The following FAM13B variants were observed in gnomAD, a reference collection of about 807,000 sequenced individuals.
The protein encoded by FAM13B is family with sequence similarity 13 member B, also known as protein FAM13B.
Under a neutral mutation model 117.3 loss-of-function variants are expected in FAM13B, and 60 were observed. The observed-to-expected ratio is 0.51, with a 90% CI of 0.42 to 0.63. The LOEUF is 0.63. Ranked by LOEUF, FAM13B falls within the 30% of genes least tolerant of loss-of-function variation. The pLI is 0.00. For missense variants in FAM13B, 972 were observed against 1,091.9 expected (o/e 0.89, Z 1.55); for synonymous variants, 332 against 356.1 (o/e 0.93, Z 0.76).
intron 1 of FAM13B, among the ~76,000 whole-genome samples, chr5:138,024,008 G>C (rs888217568): frequency 2.0e-5 from 3 of 152,166 alleles, no homozygotes; most frequent in African/African-American, 7.2e-5. Context: ...TCTCAGACTG[G>C]AGAGTGGCCC....
chr5:137,993,881 C>A (rs1409098026), intron 7 of FAM13B, among the ~76,000 whole-genome samples: 1 of 152,050 alleles, frequency 6.6e-6, no homozygotes, highest in Non-Finnish European at 1.5e-5. Flanking sequence ...TAAAGTAGGG[C>A]CCAAGAGTCT....
chr5:138,051,041 G>A (rs1561563469), intron 1 of FAM13B, among the ~76,000 whole-genome samples: 1 of 151,882 alleles, frequency 6.6e-6, no homozygotes, highest in Non-Finnish European at 1.5e-5. Flanking sequence ...AGAATGAAAA[G>A]CAAAACTCTC....
intron 20 of FAM13B, among the ~76,000 whole-genome samples, chr5:137,943,450 T>A (rs1015409937): frequency 6.6e-6 from 1 of 152,126 alleles, no homozygotes; most frequent in African/African-American, 2.4e-5. Context: ...ACAGATATTT[T>A]AAAAATTCTA....
upstream of FAM13B, chr5:138,036,806 ACTG>A: frequency 2.9e-6 from 1 of 347,682 alleles, no homozygotes; most frequent in East Asian, 7.6e-5. Flanking sequence ...GTGGTTCTCA[ACTG>A]CGACAATTTT....
chr5:137,982,523 AAACAAC>A (rs59537285), intron 10 of FAM13B, among the ~76,000 whole-genome samples: 8 of 138,326 alleles, frequency 5.8e-5, no homozygotes, highest in East Asian at 4.3e-4. Flanking sequence ...TCCATCTCAA[AAACAAC>A]AACAACAACA....
chr5:138,033,326 C>T (rs1790697128), upstream of FAM13B, among the ~76,000 whole-genome samples: 1 of 152,190 alleles, frequency 6.6e-6, no homozygotes, highest in African/African-American at 2.4e-5. Context: ...ACAGAGAGGA[C>T]ACTGGGGAGA....
intron 7 of FAM13B, among the ~76,000 whole-genome samples, chr5:137,998,215 C>T (rs757994838): frequency 6.6e-6 from 1 of 152,194 alleles, no homozygotes; most frequent in Non-Finnish European, 1.5e-5. Context: ...AAGTTTTCAA[C>T]AATGATGATG....
rs566653282 is a variant in FAM13B, at chr5:138,025,564, T to C, written c.-202-4367A>G. ...ATACACCAGCTATCAACCTAAGTTC[T>C]ACAGGGACTCAAGGTACTTTTGCAT... On this transcript the variant is annotated intron_variant, in intron 1 of 23. Coordinates refer to ENST00000689681, the MANE Select transcript of FAM13B (RefSeq NM_001385994.1). Among the ~76,000 whole-genome samples, 74 of 152,246 alleles carry C rather than the reference T, an allele frequency of 4.9e-4. 1 individual carries two copies. The South Asian group carries it at 5.6e-3, about 12-fold the overall frequency.
intron 1 of FAM13B, among the ~76,000 whole-genome samples, chr5:138,041,955 G>C (rs1791514106): frequency 6.6e-6 from 1 of 152,044 alleles, no homozygotes; most frequent in Admixed American, 6.6e-5. Flanking sequence ...CAGCTAGTCA[G>C]GAGGCTGAGG....
intron 1 of FAM13B, among the ~76,000 whole-genome samples, chr5:138,024,683 G>A (rs76271710): frequency 6.6e-6 from 1 of 151,598 alleles, no homozygotes; most frequent in African/African-American, 2.4e-5. Context: ...ATAAAATGTC[G>A]AGAAAGCAGT....
At chr5:138,047,134 A>G (rs945759880) in intron 1 of FAM13B, among the ~76,000 whole-genome samples, 2 of 152,098 alleles carry the variant, frequency 1.3e-5, no homozygotes, top group African/African-American at 4.8e-5. Context: ...AATCATTTTT[A>G]GTTGGGGGGC....
intron 6 of FAM13B, among the ~76,000 whole-genome samples, chr5:138,008,482 C>T (rs1383523118): frequency 1.3e-5 from 2 of 152,104 alleles, no homozygotes; most frequent in Non-Finnish European, 2.9e-5. Flanking sequence ...AAAGCTAGGC[C>T]TCAGAGGCAG....
intron 20 of FAM13B, 108 bp downstream of exon 20, chr5:137,945,794 A>G: frequency 1.4e-6 from 1 of 706,676 alleles, no homozygotes; most frequent in Non-Finnish European, 2.3e-6. Context: ...AGTGACAATT[A>G]TTTCTGTCTT....
intron 10 of FAM13B, among the ~76,000 whole-genome samples, chr5:137,981,868 G>C (rs1775862365): frequency 6.6e-6 from 1 of 152,168 alleles, no homozygotes; most frequent in Non-Finnish European, 1.5e-5. Flanking sequence ...TGGGTAAGTG[G>C]GAGGGCCTGC....
chr5:137,991,836 T>C (rs1372614715), intron 7 of FAM13B, among the ~76,000 whole-genome samples: 1 of 152,188 alleles, frequency 6.6e-6, no homozygotes, highest in African/African-American at 2.4e-5. Flanking sequence ...GAAGATAATG[T>C]GGAAATGTTT....
chr5:137,985,217 C>A, intron 10 of FAM13B, 40 bp downstream of exon 10: 1 of 1,594,836 alleles, frequency 6.3e-7, no homozygotes, highest in Non-Finnish European at 8.6e-7. Context: ...ATGAAGCAAT[C>A]AAAGTTGTAC....
At chr5:137,989,765 G>C (rs895104502) in intron 7 of FAM13B, among the ~76,000 whole-genome samples, 10 of 152,168 alleles carry the variant, frequency 6.6e-5, no homozygotes, top group African/African-American at 2.4e-4. Context: ...GGAGGTTGCA[G>C]TGAGCTGTGG....
upstream of FAM13B, among the ~76,000 whole-genome samples, chr5:138,037,653 A>G (rs547113566): frequency 1.3e-5 from 2 of 152,104 alleles, no homozygotes; most frequent in African/African-American, 4.8e-5. Context: ...TTGCACCATC[A>G]GTAAGGAAAC....
At chr5:137,960,124 T>C in intron 12 of FAM13B, 42 bp downstream of exon 12, 1 of 1,221,076 alleles carries the variant, frequency 8.2e-7, no homozygotes, top group Non-Finnish European at 1.2e-6. Flanking sequence ...AGTTTAAACC[T>C]AGGCAAGTTT....
Sources: gnomAD v4.1 joint callset for allele counts (sites outside exome capture counted in the v4.1 genomes callset) on GRCh38, gnomAD v4.1.1 for gene constraint, MANE v1.5 for transcripts, NCBI Gene and HGNC (gene_info 2026-07-23, HGNC 2026-07-21) for gene names.